SLC25A19: variants seen among roughly 807,000 people sequenced by gnomAD.
SLC25A19 encodes mitochondrial thiamine pyrophosphate carrier.
In SLC25A19, 18 loss-of-function variants were observed where a neutral mutation model predicts 27.9. The observed-to-expected ratio is 0.64, with a 90% CI of 0.45 to 0.96. SLC25A19 has a LOEUF of 0.96. Among genes scored for constraint, SLC25A19 ranks in the 40% least tolerant of loss-of-function variants. SLC25A19 has a pLI of 0.00. For synonymous variants in SLC25A19, 169 were observed against 167.1 expected, an observed-to-expected ratio of 1.01 and a Z score of -0.09; for missense variants, 371 against 418.3, an observed-to-expected ratio of 0.89 and a Z score of 0.99.
chr17:75,286,592 C>T (rs529243976), intron 3 of SLC25A19, 41 bp downstream of exon 3: 5 of 1,614,126 alleles, frequency 3.1e-6, no homozygotes, highest in African/African-American at 2.7e-5. Flanking sequence ...AAAGACTGAA[C>T]TTGTCCTCCA....
Position 75,274,744 on chromosome 17 carries a change from C to A in SLC25A19, c.775-1105G>T, listed in dbSNP as rs201679474. Among the ~76,000 whole-genome samples, 22 of 152,026 alleles carry A rather than the reference C, an allele frequency of 1.4e-4. 1 individual carries two copies. In the East Asian group the frequency reaches 3.9e-3, roughly 27 times the overall value. On this transcript the variant is annotated intron_variant, in intron 7 of 7. Coordinates refer to ENST00000416858, the MANE Select transcript of SLC25A19 (RefSeq NM_001126121.2). ...ATCGCTTGAGCCCAGGAGTTCGAGA[C>A]CAGCCCAGGCAACAGAGCGATATCC...
At position 75,273,608 on chromosome 17, in the gene SLC25A19, G is replaced by A. The variant is rs372370303; in HGVS notation, c.806C>T (p.Ala269Val). The change falls in exon 8 of 8, where the codon GCC becomes GTC. Residue 269 changes from alanine to valine, a missense_variant. Coordinates refer to ENST00000416858, the MANE Select transcript of SLC25A19 (RefSeq NM_001126121.2). Reference protein sequence around the residue: ...VRRYKGLMDCAKQVLQKEGAL... With the variant: ...VRRYKGLMDCVKQVLQKEGAL... ...GCCTTCCTTTTGCAGCACCTGCTTG[G>A]CACAGTCCATGAGGCCCTTGTATCT... The A allele has an allele frequency of 1.9e-6, 3 of 1,613,142 alleles. No individual in the cohort carries two copies. The highest frequency in any genetic ancestry group is 2.2e-5 in the East Asian group (1 of 44,890).
intron 7 of SLC25A19, 23 bp from the exon 8 acceptor site, chr17:75,273,662 A>T: frequency 6.2e-7 from 1 of 1,609,002 alleles, no homozygotes. Flanking sequence ...AAGGGATGAA[A>T]ATATGGATGC....
At chr17:75,282,866 A>G (rs942591396) in intron 5 of SLC25A19, among the ~76,000 whole-genome samples, 4 of 148,978 alleles carry the variant, frequency 2.7e-5, no homozygotes, top group Non-Finnish European at 4.4e-5. Flanking sequence ...AAATAAATAA[A>G]TAACTAAAAA....
intron 7 of SLC25A19, 57 bp downstream of exon 7, chr17:75,277,296 T>C (rs1188461421): frequency 2.5e-6 from 4 of 1,601,496 alleles, no homozygotes; most frequent in East Asian, 2.2e-5. Flanking sequence ...ACTGGTTCCC[T>C]CATGTGCCCA....
chr17:75,288,010 GGT>G (rs977928438), intron 2 of SLC25A19: 41 of 152,258 alleles, frequency 2.7e-4, no homozygotes, highest in African/African-American at 9.6e-4. Context: ...TGGGTGTCGT[GGT>G]GGGCGCCTGT....
At chr17:75,278,119 G>A in intron 6 of SLC25A19, 33 bp downstream of exon 6, 3 of 1,610,218 alleles carry the variant, frequency 1.9e-6, no homozygotes, top group Non-Finnish European at 2.5e-6. Flanking sequence ...GGCTGGGGTG[G>A]GAGGGCTCCC....
intron 4 of SLC25A19, among the ~76,000 whole-genome samples, chr17:75,284,548 G>A (rs2078135171): frequency 6.6e-6 from 1 of 152,076 alleles, no homozygotes; most frequent in Non-Finnish European, 1.5e-5. Flanking sequence ...ACCTGGTGGC[G>A]GCACTGTTCG....
At chr17:75,280,495 T>A (rs8067589) in intron 5 of SLC25A19, among the ~76,000 whole-genome samples, 142,222 of 151,996 alleles carry the variant, frequency 0.94, 67,051 homozygotes, top group Non-Finnish European at 1. Context: ...CATGTCAAAA[T>A]CCCATCTCTA....
chr17:75,286,979 T>A lies in SLC25A19; in HGVS notation c.-38-177A>T, dbSNP rs1016975867. 5 of 574,310 alleles carry A rather than the reference T, an allele frequency of 8.7e-6. No individual in the cohort carries two copies. In the African/African-American group the frequency reaches 9.3e-5, roughly 11 times the overall value. The allele number at this position is 574,310 out of a possible 1,614,324, so 35.6% of individuals were successfully genotyped here. On this transcript the variant is annotated intron_variant, in intron 2 of 7. Coordinates refer to ENST00000416858, the MANE Select transcript of SLC25A19 (RefSeq NM_001126121.2). Reference sequence around the variant, plus strand: ...ACTTTCGGAGGCCGAGGTGGGTGGATTGCTTGAGCTCAGGAGTTCAAGACC... The same window carrying A: ...ACTTTCGGAGGCCGAGGTGGGTGGAATGCTTGAGCTCAGGAGTTCAAGACC...
rs561023209 is a variant in SLC25A19 at position 75,278,074 on chromosome 17, T to C, written c.643+78A>G. On this transcript the variant is annotated intron_variant, in intron 6 of 7. Transcript: ENST00000416858. ...GTCTTTGATTCGGACAGGAGAACTT[T>C]AGCTCCTTTGTGATTTGGAAGGGGG... The C allele has an allele frequency of 2.1e-4, 322 of 1,513,100 alleles. 3 individuals carry two copies. In the South Asian group the frequency reaches 3.5e-3, roughly 16 times the overall value. The allele number at this position is 1,513,100 out of a possible 1,614,324, so 93.7% of individuals were successfully genotyped here.
chr17:75,284,369 C>T (rs1171169195), intron 4 of SLC25A19, among the ~76,000 whole-genome samples: 1 of 152,198 alleles, frequency 6.6e-6, no homozygotes, highest in Non-Finnish European at 1.5e-5. Flanking sequence ...CGCCACTGCA[C>T]TCCAGCCTGG....
At chr17:75,281,753 A>G (rs2078043945) in intron 5 of SLC25A19, among the ~76,000 whole-genome samples, 2 of 152,194 alleles carry the variant, frequency 1.3e-5, no homozygotes, top group South Asian at 4.1e-4. Context: ...TAATCCAGCA[A>G]TAAATTCTCA....
Position 75,273,533 on chromosome 17 carries a change from A to G in SLC25A19, c.881T>C (p.Leu294Pro), listed in dbSNP as rs1299099858. The change falls in exon 8 of 8, where the codon CTC (leucine) becomes CCC (proline). Residue 294 changes from leucine to proline, a missense_variant. Transcript: ENST00000416858. ...CGAGAAGAACATGAAGCCTGTGGAG[A>G]GGGCAGCCTTCAGCAAGCTGGGGGA... ...GLSPSLLKAA[L>P]STGFMFFSYE... The G allele has an allele frequency of 1.2e-6, 2 of 1,614,190 alleles. No homozygotes were observed.
chr17:75,287,037 C>CA (rs2078201307), intron 2 of SLC25A19: 1 of 401,780 alleles, frequency 2.5e-6, no homozygotes, highest in Non-Finnish European at 4.7e-6. Context: ...CCCAACTCTA[C>CA]AAAAAATACA....
At chr17:75,280,056 T>C (rs2078001040) in intron 5 of SLC25A19, among the ~76,000 whole-genome samples, 1 of 148,442 alleles carries the variant, frequency 6.7e-6, no homozygotes, top group South Asian at 2.2e-4. Flanking sequence ...TAAAGCAGAG[T>C]TGAGACAGTG....
chr17:75,274,973 CTTTTTTTTTTTTTTTTTTT>C (rs67040059), intron 7 of SLC25A19, among the ~76,000 whole-genome samples: 4 of 47,174 alleles, frequency 8.5e-5, no homozygotes, highest in South Asian at 1.1e-3. Context: ...GGATTTTGGT[CTTTTTTTTTTTTTTTTTTT>C]TTTTTTTTTT....
intron 5 of SLC25A19, among the ~76,000 whole-genome samples, chr17:75,278,738 T>C (rs1193120018): frequency 1.3e-5 from 2 of 151,982 alleles, no homozygotes; most frequent in South Asian, 2.1e-4. Flanking sequence ...TCCCAGCACT[T>C]TGGGGAGGCT....
intron 7 of SLC25A19, among the ~76,000 whole-genome samples, chr17:75,275,448 A>G (rs1056085234): frequency 2.0e-5 from 3 of 151,822 alleles, no homozygotes; most frequent in Admixed American, 6.6e-5. Flanking sequence ...TGACATTGTC[A>G]GGCATATTTT....
Sources: allele counts gnomAD v4.1 joint callset (sites outside exome capture counted in the v4.1 genomes callset), GRCh38; gene constraint gnomAD v4.1.1; transcripts MANE v1.5; gene names NCBI Gene and HGNC (gene_info 2026-07-23, HGNC 2026-07-21).